AHI1: variants seen among roughly 807,000 people sequenced by gnomAD.
AHI1 encodes the protein Abelson helper integration site 1.
In AHI1, 123 loss-of-function variants were observed where a neutral mutation model predicts 149.3. The ratio of observed to expected loss-of-function variants is 0.82; its 90% CI spans 0.71 to 0.96. The LOEUF (loss-of-function observed/expected upper bound fraction) is 0.96, where lower values mean the gene tolerates loss of function less well. AHI1 is among the 40% of genes least tolerant of loss of function. The pLI is 0.00. For synonymous variants in AHI1, 475 were observed against 459.8 expected, an observed-to-expected ratio of 1.03 and a Z score of -0.42; for missense variants, 1,439 against 1,422.7, an observed-to-expected ratio of 1.01 and a Z score of -0.18.
intron 19 of AHI1, among the ~76,000 whole-genome samples, 162 bp from the exon 20 acceptor site, chr6:135,427,469 G>A (rs539554585): frequency 3.5e-4 from 53 of 151,732 alleles, no homozygotes; most frequent in African/African-American, 1.2e-3. Context: ...GAGTAACAAT[G>A]TATTAAATTA....
rs1056444739 is a variant in AHI1, at chr6:135,313,350, G to A, written c.3426+5169C>T. 4.6e-5 allele frequency among the ~76,000 whole-genome samples: 7 copies of A among 152,250 alleles called. No individual in the cohort carries two copies. In the East Asian group the frequency reaches 1.4e-3, roughly 29 times the overall value. Reference sequence around the variant, plus strand: ...ATGTTCTTCAACAAAAGAAATCCACGCATCTTAAGATTTAAAGCCTAATTT... The same window carrying A: ...ATGTTCTTCAACAAAAGAAATCCACACATCTTAAGATTTAAAGCCTAATTT... On this transcript the variant is annotated intron_variant, in intron 26 of 28. Coordinates refer to ENST00000265602, the MANE Select transcript of AHI1 (RefSeq NM_001134831.2).
chr6:135,442,573 A>G lies in AHI1; in HGVS notation c.1912+9T>C. 1 of 1,604,434 alleles carries G rather than the reference A, an allele frequency of 6.2e-7. No homozygotes were observed. The highest frequency in any genetic ancestry group is 8.5e-7 in the Non-Finnish European group (1 of 1,174,968). On this transcript the variant is annotated intron_variant, in intron 14 of 28. Coordinates refer to ENST00000265602, the MANE Select transcript of AHI1 (RefSeq NM_001134831.2). ...ACAATCAGATTAAACAGGTAGGATT[A>G]TTACTCACAAATAATTGGATATCCA...
At chr6:135,422,342 T>C (rs1035962161) in intron 20 of AHI1, among the ~76,000 whole-genome samples, 3 of 151,976 alleles carry the variant, frequency 2.0e-5, no homozygotes, top group Non-Finnish European at 4.4e-5. Flanking sequence ...CAAAACCCTG[T>C]TTCTACAAAA....
intron 23 of AHI1, among the ~76,000 whole-genome samples, chr6:135,388,471 T>C (rs550998643): frequency 6.6e-6 from 1 of 152,330 alleles, no homozygotes; most frequent in African/African-American, 2.4e-5. Flanking sequence ...AGCTTAGATG[T>C]AATCTACCTT....
At chr6:135,339,892 G>C (rs986106233) in intron 24 of AHI1, among the ~76,000 whole-genome samples, 3 of 152,156 alleles carry the variant, frequency 2.0e-5, no homozygotes, top group Non-Finnish European at 4.4e-5. Context: ...GCCAAAGATA[G>C]GATCTCAAAA....
rs372883338 is a variant in AHI1 at position 135,433,109 on chromosome 6, C to G, written c.2184G>C (p.Glu728Asp). The G allele has an allele frequency of 1.9e-6, 3 of 1,613,716 alleles. No homozygotes were observed. The South Asian group carries it at 3.3e-5, about 18-fold the overall frequency. Reference protein sequence around the residue: ...YDSMIRIWKVEMREDSAILVR... With the variant: ...YDSMIRIWKVDMREDSAILVR... ...CCAATATGGCAGAATCTTCTCTCATCTCAACTTTCCATATCCGTATCATGG... is the reference window on the plus strand; with the variant it reads ...CCAATATGGCAGAATCTTCTCTCATGTCAACTTTCCATATCCGTATCATGG... The change falls in exon 16 of 29, where the codon GAG (glutamate) becomes GAC (aspartate). Residue 728 changes from glutamate (E) to aspartate (D), a missense_variant. By Grantham distance (45) the Glu-to-Asp change is conservative (BLOSUM62 2). Coordinates refer to ENST00000265602, the MANE Select transcript of AHI1 (RefSeq NM_001134831.2).
intron 5 of AHI1, 98 bp downstream of exon 5, chr6:135,490,525 A>C: frequency 6.9e-7 from 1 of 1,446,790 alleles, no homozygotes; most frequent in Non-Finnish European, 9.6e-7. Flanking sequence ...TACTGTTTTT[A>C]ATTTTCAAAA....
intron 11 of AHI1, among the ~76,000 whole-genome samples, chr6:135,449,406 C>A (rs1342211945): frequency 6.6e-6 from 1 of 152,146 alleles, no homozygotes; most frequent in Non-Finnish European, 1.5e-5. Context: ...AATACGTTCT[C>A]TTTCATTAGA....
At chr6:135,351,135 C>CAAA (rs1183574427) in intron 24 of AHI1, among the ~76,000 whole-genome samples, 19 of 131,430 alleles carry the variant, frequency 1.4e-4, no homozygotes, top group African/African-American at 6.4e-4. Flanking sequence ...AAACAAAAAA[C>CAAA]AAAAAAAACA....
intron 3 of AHI1, among the ~76,000 whole-genome samples, chr6:135,495,162 C>T (rs1474259883): frequency 2.7e-5 from 4 of 147,958 alleles, no homozygotes; most frequent in South Asian, 2.3e-4. Context: ...ATTGTTTCCA[C>T]GCCGCTATCA....
At chr6:135,304,421 C>T (rs1784292649) in intron 26 of AHI1, among the ~76,000 whole-genome samples, 1 of 152,056 alleles carries the variant, frequency 6.6e-6, no homozygotes, top group South Asian at 2.1e-4. Flanking sequence ...AATGCTCTTC[C>T]TTAAGGGAAA....
intron 24 of AHI1, among the ~76,000 whole-genome samples, chr6:135,330,720 T>C (rs1788451105): frequency 6.6e-6 from 1 of 152,180 alleles, no homozygotes; most frequent in Non-Finnish European, 1.5e-5. Flanking sequence ...AACCATTCAG[T>C]TAGGATTATT....
intron 10 of AHI1, among the ~76,000 whole-genome samples, chr6:135,454,960 T>C (rs1458902585): frequency 6.6e-6 from 1 of 152,182 alleles, no homozygotes; most frequent in African/African-American, 2.4e-5. Context: ...TCTTCGGCAC[T>C]GGTTATGCCA....
At position 135,404,139 on chromosome 6, in the gene AHI1, A is replaced by G. The variant is rs1241409575; in HGVS notation, c.2988+812T>C. ...CCTTCTCTTTGTGATATGTAATTATATTTGTTAAATGAATAGACGTCTAAT... is the reference window on the plus strand; with the variant it reads ...CCTTCTCTTTGTGATATGTAATTATGTTTGTTAAATGAATAGACGTCTAAT... On this transcript the variant is annotated intron_variant, in intron 22 of 28. Coordinates refer to ENST00000265602, the MANE Select transcript of AHI1 (RefSeq NM_001134831.2). Among the ~76,000 whole-genome samples, 3 of 152,102 alleles carry G rather than the reference A, an allele frequency of 2.0e-5. No individual in the cohort carries two copies. In the East Asian group the frequency reaches 5.8e-4, roughly 29 times the overall value.
chr6:135,490,743 C>T lies in AHI1; in HGVS notation c.15G>A (p.Glu5=). MPTA[E]SEAKVKTKVR... is the part of the protein sequence containing the mutation. ...CTTTGGTTTTTACTTTTGCTTCACT[C>T]TCAGCTACAAAAGATACAGCCATGT... The change falls in exon 5 of 29, where the codon GAG becomes GAA. Residue 5 remains glutamate, a synonymous_variant. Transcript: ENST00000265602. The T allele has an allele frequency of 6.2e-7, 1 of 1,612,634 alleles. No individual in the cohort carries two copies. The highest frequency in any genetic ancestry group is 8.5e-7 in the Non-Finnish European group (1 of 1,179,358).
chr6:135,379,597 A>G (rs1380164969), intron 23 of AHI1, among the ~76,000 whole-genome samples: 1 of 152,178 alleles, frequency 6.6e-6, no homozygotes, highest in African/African-American at 2.4e-5. Context: ...ATGCAATCCC[A>G]TCTACCTACC....
At chr6:135,469,140 A>G (rs1791290914) in intron 5 of AHI1, among the ~76,000 whole-genome samples, 1 of 152,232 alleles carries the variant, frequency 6.6e-6, no homozygotes, top group African/African-American at 2.4e-5. Flanking sequence ...ATCCAGCAGC[A>G]CATCAAAAAG....
intron 24 of AHI1, among the ~76,000 whole-genome samples, chr6:135,323,968 A>T (rs1787262797): frequency 6.6e-6 from 1 of 152,178 alleles, no homozygotes; most frequent in Non-Finnish European, 1.5e-5. Context: ...ATTATATTTG[A>T]CTTCCTTTTC....
chr6:135,471,875 G>C (rs917968550), intron 5 of AHI1, among the ~76,000 whole-genome samples: 5 of 151,464 alleles, frequency 3.3e-5, no homozygotes, highest in Non-Finnish European at 7.4e-5. Flanking sequence ...AGCCGGGCGC[G>C]GTGGCGGGCA....
Sources: allele counts gnomAD v4.1 joint callset (sites outside exome capture counted in the v4.1 genomes callset), GRCh38; gene constraint gnomAD v4.1.1; transcripts MANE v1.5; gene names NCBI Gene and HGNC (gene_info 2026-07-23, HGNC 2026-07-21).